DCK: variants seen among roughly 807,000 people sequenced by gnomAD.
The protein encoded by DCK is deoxycytidine kinase, also known as deoxyadenosine kinase.
Under a neutral mutation model 38.3 loss-of-function variants are expected in DCK, and 23 were observed. That is an observed-to-expected ratio of 0.60 (90% CI 0.43 to 0.85). The LOEUF is 0.85. Among genes scored for constraint, DCK ranks in the 40% least tolerant of loss-of-function variants. The pLI is 0.00. For synonymous variants in DCK, 108 were observed against 100.6 expected, an observed-to-expected ratio of 1.07 and a Z score of -0.44; for missense variants, 259 against 304.4, an observed-to-expected ratio of 0.85 and a Z score of 1.11.
chr4:71,008,244 C>G (rs1739997778), intron 2 of DCK, among the ~76,000 whole-genome samples: 1 of 152,132 alleles, frequency 6.6e-6, no homozygotes, highest in Admixed American at 6.6e-5. Context: ...TTTCTCTCCC[C>G]CCAGTGTAAT....
At chr4:71,004,065 T>G (rs1026760232) in intron 2 of DCK, among the ~76,000 whole-genome samples, 1 of 152,266 alleles carries the variant, frequency 6.6e-6, no homozygotes, top group African/African-American at 2.4e-5. Context: ...TTAGCTTTTT[T>G]GCACTGGCTT....
chr4:71,029,350 A>T lies in DCK; in HGVS notation c.757-2A>T, dbSNP rs1344177671. On this transcript the variant is annotated splice_acceptor_variant, in intron 6 of 6. Coordinates refer to ENST00000286648, the MANE Select transcript of DCK (RefSeq NM_000788.3). LOFTEE classifies it high-confidence loss of function. ...CTGATTTTTTTTTCTTCCTTTCCTC[A>T]GGTCAAAGAGTTTTTGAGTACTTTG... 2.5e-6 allele frequency: 4 copies of T among 1,590,724 alleles called. No homozygotes were observed. The highest frequency in any genetic ancestry group is 8.6e-7 in the Non-Finnish European group (1 of 1,168,194).
chr4:71,014,528 T>A (rs780049986), intron 2 of DCK, among the ~76,000 whole-genome samples: 67 of 152,204 alleles, frequency 4.4e-4, no homozygotes, highest in Non-Finnish European at 6.8e-4. Context: ...AGTAAAGCAC[T>A]CTTCAGAAAA....
intron 2 of DCK, among the ~76,000 whole-genome samples, chr4:71,017,144 G>A (rs1490405852): frequency 6.6e-6 from 1 of 152,166 alleles, no homozygotes; most frequent in Non-Finnish European, 1.5e-5. Context: ...CTTTTCAAAA[G>A]AAGACATTTA....
chr4:71,016,752 C>T (rs1740275284), intron 2 of DCK, among the ~76,000 whole-genome samples: 1 of 152,144 alleles, frequency 6.6e-6, no homozygotes, highest in African/African-American at 2.4e-5. Context: ...GAAACTGGAT[C>T]CCTTCCTTAC....
At chr4:71,011,804 C>G (rs1038566458) in intron 2 of DCK, among the ~76,000 whole-genome samples, 2 of 152,150 alleles carry the variant, frequency 1.3e-5, no homozygotes, top group Non-Finnish European at 2.9e-5. Flanking sequence ...TTCTATTTTT[C>G]ACTTACCTTG....
In DCK at chr4:70,998,172, A is replaced by T. The variant is rs574859386; in HGVS notation, c.197A>T (p.Asp66Val). The change falls in exon 2 of 7, where the codon GAT becomes GTT. Residue 66 changes from aspartate to valine, a missense_variant. Coordinates refer to ENST00000286648, the MANE Select transcript of DCK (RefSeq NM_000788.3). ...TGGTGCAATGTTCAAAGTACTCAAG[A>T]TGAATTTGAGGTATGAAAATAAAAT... The part of the protein sequence containing the change: ...ARWCNVQSTQ[D>V]EFEELTMSQK... 1 of 1,557,938 alleles carries T rather than the reference A, an allele frequency of 6.4e-7. No individual in the cohort carries two copies.
intron 2 of DCK, among the ~76,000 whole-genome samples, chr4:71,012,252 TAAAC>T (rs2148915693): frequency 6.6e-6 from 1 of 152,100 alleles, no homozygotes; most frequent in East Asian, 1.9e-4. Flanking sequence ...CTTGGGTAGG[TAAAC>T]AAAGTGGGCT....
chr4:70,994,055 G>A (rs1301892396), intron 1 of DCK, 129 bp downstream of exon 1: 6 of 729,520 alleles, frequency 8.2e-6, no homozygotes. Context: ...TGTGGACGCG[G>A]CCTCGGCTTC....
At chr4:71,001,911 C>T (rs903555511) in intron 2 of DCK, among the ~76,000 whole-genome samples, 17 of 152,200 alleles carry the variant, frequency 1.1e-4, no homozygotes, top group South Asian at 2.1e-4. Flanking sequence ...TTAATCTTTT[C>T]GAAGAACCAG....
rs141472548 is a variant in DCK at position 71,028,350 on chromosome 4, G to C, written c.757-1002G>C. On this transcript the variant is annotated intron_variant, in intron 6 of 6. Transcript: ENST00000286648. ...CTCACACCTGTAATCCCAGCACTTT[G>C]GGAGGCTGAGGTGGGAAGACTGCTT... Among the ~76,000 whole-genome samples the C allele has an allele frequency of 8.2e-3, 1,254 of 152,250 alleles. 9 individuals are homozygous for C. The highest frequency in any genetic ancestry group is 0.029 in the African/African-American group (1,192 of 41,550).
chr4:71,016,847 C>G (rs181580895), intron 2 of DCK, among the ~76,000 whole-genome samples: 1 of 152,186 alleles, frequency 6.6e-6, no homozygotes, highest in Admixed American at 6.5e-5. Flanking sequence ...AAAACCTAGG[C>G]AATACTATTT....
chr4:71,027,449 T>C (rs560070396), intron 6 of DCK, among the ~76,000 whole-genome samples: 32 of 152,258 alleles, frequency 2.1e-4, no homozygotes, highest in African/African-American at 7.5e-4. Context: ...TGAGAATTTA[T>C]TGATGAATAT....
chr4:71,001,985 A>T (rs1739813956), intron 2 of DCK, among the ~76,000 whole-genome samples: 2 of 151,754 alleles, frequency 1.3e-5, no homozygotes, highest in African/African-American at 4.8e-5. Context: ...TTCTGCTCTG[A>T]TCTTAGTTAT....
At chr4:71,024,634 G>T (rs1021899189) in intron 4 of DCK, among the ~76,000 whole-genome samples, 2 of 151,890 alleles carry the variant, frequency 1.3e-5, no homozygotes, top group Admixed American at 1.3e-4. Flanking sequence ...ATTAAGTAAA[G>T]ATTTTGTTCT....
At chr4:70,996,712 C>T (rs889534943) in intron 1 of DCK, among the ~76,000 whole-genome samples, 3 of 152,094 alleles carry the variant, frequency 2.0e-5, no homozygotes, top group Admixed American at 6.6e-5. Flanking sequence ...TTTACTTGGT[C>T]GTTTTAGTTT....
intron 2 of DCK, among the ~76,000 whole-genome samples, chr4:71,013,642 T>C (rs572568612): frequency 6.6e-6 from 1 of 152,092 alleles, no homozygotes; most frequent in African/African-American, 2.4e-5. Context: ...ACCCAGAATA[T>C]CATATCCAGC....
chr4:71,002,830 T>C (rs1321234299), intron 2 of DCK, among the ~76,000 whole-genome samples: 1 of 152,200 alleles, frequency 6.6e-6, no homozygotes, highest in Non-Finnish European at 1.5e-5. Context: ...CCTCCATCCC[T>C]TTATTTTGAG....
At chr4:71,024,046 A>AG (rs1740491817) in intron 4 of DCK, among the ~76,000 whole-genome samples, 1 of 152,186 alleles carries the variant, frequency 6.6e-6, no homozygotes, top group Non-Finnish European at 1.5e-5. Context: ...AGGCTTCATG[A>AG]GGTGGGACCT....
Sources: gnomAD v4.1 joint callset for allele counts (sites outside exome capture counted in the v4.1 genomes callset) on GRCh38, gnomAD v4.1.1 for gene constraint, MANE v1.5 for transcripts, NCBI Gene and HGNC (gene_info 2026-07-23, HGNC 2026-07-21) for gene names.